ANXA1: variants seen among roughly 807,000 people sequenced by gnomAD.
ANXA1 encodes annexin A1.
Under a neutral mutation model 47.9 loss-of-function variants are expected in ANXA1, and 39 were observed. The ratio of observed to expected loss-of-function variants is 0.81; its 90% CI spans 0.63 to 1.06. The LOEUF is 1.06. ANXA1 is among the 50% of genes least tolerant of loss of function. The pLI is 0.00. For missense variants in ANXA1, 446 were observed against 422.7 expected, an observed-to-expected ratio of 1.06 and a Z score of -0.48; for synonymous variants, 146 against 142.5, an observed-to-expected ratio of 1.02 and a Z score of -0.17.
Position 73,169,113 on chromosome 9 carries a change from T to C in ANXA1, c.943T>C (p.Tyr315His). Residue 315 changes from tyrosine to histidine, a missense_variant, in exon 12 of 13, where the codon TAT (tyrosine) becomes CAT (histidine). Coordinates refer to ENST00000257497, the MANE Select transcript of ANXA1 (RefSeq NM_000700.3). ...EIDMNDIKAF[Y>H]QKMYGISLCQ... ...TGACATGAATGATATCAAAGCATTC[T>C]ATCAGAAGATGTATGGTATCTCCCT... 2.5e-6 allele frequency: 4 copies of C among 1,613,384 alleles called. No homozygotes were observed. The highest frequency in any genetic ancestry group is 2.5e-6 in the Non-Finnish European group (3 of 1,179,490).
Position 73,159,377 on chromosome 9 carries a change from C to T in ANXA1, c.224C>T (p.Ala75Val). 1 of 1,613,240 alleles carries T rather than the reference C, an allele frequency of 6.2e-7. No individual in the cohort carries two copies. Among genetic ancestry groups the T allele is most frequent in the Non-Finnish European group, 8.5e-7 (1 of 1,179,490 alleles). Residue 75 changes from alanine (A) to valine (V), a missense_variant, in exon 4 of 13, where the codon GCA (alanine) becomes GTA (valine). Ala to Val is a moderately conservative substitution (Grantham distance 64). Transcript: ENST00000257497. ...IIDILTKRNN[A>V]QRQQIKAAYL... ...GACATTCTAACTAAGCGAAACAATG[C>T]ACAGCGTCAACAGATCAAAGCAGCA... is the stretch of plus-strand genomic sequence containing the variant.
At chr9:73,158,490 T>C in intron 1 of ANXA1, 32 bp from the exon 2 acceptor site, 1 of 1,568,488 alleles carries the variant, frequency 6.4e-7, no homozygotes, top group South Asian at 1.1e-5. Flanking sequence ...GTGCATTTGT[T>C]TTGTAAAAGC....
chr9:73,168,984 A>G (rs1824278934), intron 11 of ANXA1, 48 bp from the exon 12 acceptor site: 1 of 1,554,740 alleles, frequency 6.4e-7, no homozygotes, highest in Non-Finnish European at 8.7e-7. Flanking sequence ...GTTTTTAATG[A>G]GAGTATTTTC....
At chr9:73,160,654 T>C (rs1341244858) in intron 5 of ANXA1, 149 bp from the exon 6 acceptor site, 2 of 635,464 alleles carry the variant, frequency 3.1e-6, no homozygotes, top group South Asian at 2.1e-5. Flanking sequence ...TTTAGGGCAA[T>C]GTAATAGAGC....
chr9:73,161,348 G>A (rs1221731570), intron 6 of ANXA1, among the ~76,000 whole-genome samples: 1 of 151,982 alleles, frequency 6.6e-6, no homozygotes, highest in Non-Finnish European at 1.5e-5. Context: ...AAAGAATTAG[G>A]TGCTTATAAT....
At chr9:73,167,988 G>T in intron 11 of ANXA1, 1 of 161,770 alleles carries the variant, frequency 6.2e-6, no homozygotes, top group Admixed American at 5.9e-5. Context: ...GTCATTCTAT[G>T]ATTAAGGATG....
chr9:73,165,194 C>T lies in ANXA1; in HGVS notation c.691C>T (p.Pro231Ser). 6.2e-7 allele frequency: 1 copy of T among 1,612,494 alleles called. No individual in the cohort carries two copies. Among genetic ancestry groups the T allele is most frequent in the Non-Finnish European group, 8.5e-7 (1 of 1,178,862 alleles). ...FNTILTTRSY[P>S]QLRRVFQKYT... ...TACCATCCTTACCACCAGAAGCTAT[C>T]CACAACTTCGCAGAGGTAACAATAA... is the stretch of plus-strand genomic sequence containing the variant. Residue 231 changes from proline (P) to serine (S), a missense_variant, in exon 9 of 13, where the codon CCA becomes TCA. Transcript: ENST00000257497.
rs751500849 is a variant in ANXA1, at chr9:73,165,224, C to G, written c.706+15C>G. 6.2e-7 allele frequency: 1 copy of G among 1,604,868 alleles called. No homozygotes were observed. Among genetic ancestry groups the G allele is most frequent in the East Asian group, 2.2e-5 (1 of 44,696 alleles). ...ACTTCGCAGAGGTAACAATAAATTT[C>G]TTTTTCTGGAATCTGTTTATGGAAG... On this transcript the variant is annotated intron_variant, in intron 9 of 12. Coordinates refer to ENST00000257497, the MANE Select transcript of ANXA1 (RefSeq NM_000700.3).
At position 73,160,396 on chromosome 9, in the gene ANXA1, C is replaced by T. The variant is rs780088641; in HGVS notation, c.384+20C>T. The stretch of plus-strand genomic sequence containing the variant: ...ATGAAGGTAAATCGCCCAATTTGAG[C>T]AAACTCCTTTCCTCAAGAGGATGTA... On this transcript the variant is annotated intron_variant, in intron 5 of 12. Coordinates refer to ENST00000257497, the MANE Select transcript of ANXA1 (RefSeq NM_000700.3). 1 of 1,514,784 alleles carries T rather than the reference C, an allele frequency of 6.6e-7. No individual in the cohort carries two copies. Among genetic ancestry groups the T allele is most frequent in the Non-Finnish European group, 8.9e-7 (1 of 1,125,368 alleles). 93.8% of individuals were successfully genotyped at this position (1,514,784 alleles called of 1,614,324 possible). A position where few individuals can be genotyped will look rare whatever the true frequency, so the allele number is the denominator to read the frequency against.
chr9:73,154,341 G>A, intron 1 of ANXA1: 2 of 1,366,196 alleles, frequency 1.5e-6, no homozygotes, highest in Non-Finnish European at 2.0e-6. Context: ...TGATTCTCAG[G>A]TGTGAGTGAT....
At chr9:73,152,549 G>A (rs1317635278) in intron 1 of ANXA1, among the ~76,000 whole-genome samples, 1 of 152,126 alleles carries the variant, frequency 6.6e-6, no homozygotes, top group African/African-American at 2.4e-5. Flanking sequence ...TAAAGAGGGT[G>A]TGGCCACATT....
chr9:73,164,758 A>C (rs1411371437), intron 8 of ANXA1, among the ~76,000 whole-genome samples: 5 of 152,150 alleles, frequency 3.3e-5, no homozygotes. Context: ...ATTGATTTAT[A>C]AGTAACATTT....
rs534302033 is a variant in ANXA1, at chr9:73,170,194, A to G, written c.*87A>G. The G allele has an allele frequency of 2.4e-5, 26 of 1,097,382 alleles. 1 individual carries two copies. The East Asian group carries it at 6.1e-4, about 26-fold the overall frequency. 68.0% of individuals were successfully genotyped at this position (1,097,382 alleles called of 1,614,324 possible). ...AAGCTTAAATAGGAAAGTTTCTTCA[A>G]CAGGATTACAGTGTAGCTACCTACA... On this transcript the variant is annotated 3_prime_UTR_variant, in exon 13 of 13. Coordinates refer to ENST00000257497, the MANE Select transcript of ANXA1 (RefSeq NM_000700.3).
In ANXA1 at chr9:73,166,125, G is replaced by A; in HGVS notation, c.735G>A (p.Lys245=). Reference sequence around the variant, plus strand: ...TTCAGAAATACACCAAGTACAGTAAGCATGACATGAACAAAGTTCTGGACC... The same window carrying A: ...TTCAGAAATACACCAAGTACAGTAAACATGACATGAACAAAGTTCTGGACC... The part of the protein sequence containing the change: ...RVFQKYTKYS[K]HDMNKVLDLE... Residue 245 remains lysine, a synonymous_variant, in exon 10 of 13, where the codon AAG becomes AAA. Coordinates refer to ENST00000257497, the MANE Select transcript of ANXA1 (RefSeq NM_000700.3). 6.2e-7 allele frequency: 1 copy of A among 1,612,138 alleles called. No individual in the cohort carries two copies. Among genetic ancestry groups the A allele is most frequent in the Non-Finnish European group, 8.5e-7 (1 of 1,178,884 alleles).
chr9:73,152,347 A>G (rs1823985629), intron 1 of ANXA1, among the ~76,000 whole-genome samples: 1 of 152,194 alleles, frequency 6.6e-6, no homozygotes, highest in Non-Finnish European at 1.5e-5. Context: ...CAAAAGTGAT[A>G]GGAGTGGGCT....
Position 73,162,872 on chromosome 9 carries a change from G to A in ANXA1, c.555+11G>A. ...CTTTCTCTTGCTAAGGTACAACTCA[G>A]ATACTTTAGGAAATGCCTCTTGTTT... On this transcript the variant is annotated intron_variant, in intron 7 of 12. Coordinates refer to ENST00000257497, the MANE Select transcript of ANXA1 (RefSeq NM_000700.3). 2 of 1,597,498 alleles carry A rather than the reference G, an allele frequency of 1.3e-6. No individual in the cohort carries two copies. The highest frequency in any genetic ancestry group is 1.7e-6 in the Non-Finnish European group (2 of 1,166,098).
At chr9:73,169,983 A>C (rs1033363106) in intron 12 of ANXA1, 68 bp from the exon 13 acceptor site, 1 of 1,198,776 alleles carries the variant, frequency 8.3e-7, no homozygotes, top group Non-Finnish European at 1.2e-6. Flanking sequence ...TAATTCTTCT[A>C]TAAGTAAAAA....
chr9:73,170,163 T>A lies in ANXA1; in HGVS notation c.*56T>A. Reference sequence around the variant, plus strand: ...AGAAGACTTTAATTATATATTTTCATCCTATAAGCTTAAATAGGAAAGTTT... The same window carrying A: ...AGAAGACTTTAATTATATATTTTCAACCTATAAGCTTAAATAGGAAAGTTT... On this transcript the variant is annotated 3_prime_UTR_variant, in exon 13 of 13. Transcript: ENST00000257497. 6.8e-7 allele frequency: 1 copy of A among 1,460,996 alleles called. No homozygotes were observed. The highest frequency in any genetic ancestry group is 9.3e-7 in the Non-Finnish European group (1 of 1,069,956). The allele number at this position is 1,460,996 out of a possible 1,614,324, so 90.5% of individuals were successfully genotyped here.
intron 6 of ANXA1, 57 bp downstream of exon 6, chr9:73,160,950 CTTTCTTAAAATTGA>C: frequency 8.3e-7 from 1 of 1,201,290 alleles, no homozygotes; most frequent in Middle Eastern, 2.0e-4. Flanking sequence ...ATCTAATATA[CTTTCTTAAAATTGA>C]CTGTCTATGG....
Sources: allele counts gnomAD v4.1 joint callset (sites outside exome capture counted in the v4.1 genomes callset), GRCh38; gene constraint gnomAD v4.1.1; transcripts MANE v1.5; gene names NCBI Gene and HGNC (gene_info 2026-07-23, HGNC 2026-07-21).